The following ARR3 variants were observed in gnomAD, a reference collection of about 807,000 sequenced individuals.
ARR3 encodes the protein arrestin-C.
In ARR3, 14 loss-of-function variants were observed where a neutral mutation model predicts 35.4. The ratio of observed to expected loss-of-function variants is 0.40; its 90% CI spans 0.26 to 0.62. ARR3 has a LOEUF of 0.62. ARR3 is among the 20% of genes least tolerant of loss of function. The probability of loss-of-function intolerance (pLI) is 0.46; values close to 1 mark genes in which losing one functional copy is unlikely to be tolerated. For missense variants in ARR3, 259 were observed against 303.8 expected (o/e 0.85, Z 1.10); for synonymous variants, 97 against 119.1 (o/e 0.81, Z 1.21).
chrX:70,281,799 C>T lies in ARR3; in HGVS notation c.*33C>T, dbSNP rs1407514058. 2.8e-6 allele frequency: 3 copies of T among 1,065,426 alleles called. No homozygotes were observed. The highest frequency in any genetic ancestry group is 2.8e-5 in the Admixed American group (1 of 36,288). 87.8% of individuals were successfully genotyped at this position (1,065,426 alleles called of 1,213,427 possible). A position where few individuals can be genotyped will look rare whatever the true frequency, so the allele number is the denominator to read the frequency against. ...GCTCTGGTGCCCGTCTGTGTGGGAG[C>T]CCCCACTGTAACACTCTAATAAATC... is the stretch of plus-strand genomic sequence containing the variant. On this transcript the variant is annotated 3_prime_UTR_variant, in exon 17 of 17. Coordinates refer to ENST00000307959, the MANE Select transcript of ARR3 (RefSeq NM_004312.3).
At chrX:70,275,142 C>A (rs1192211841) in intron 5 of ARR3, among the ~76,000 whole-genome samples, 2 of 112,459 alleles carry the variant, frequency 1.8e-5, no homozygotes, top group African/African-American at 6.5e-5. Context: ...TCATACTCTA[C>A]GAGCAGATTT....
chrX:70,278,086 G>A lies in ARR3; in HGVS notation c.715G>A (p.Val239Ile), dbSNP rs144567204. The A allele has an allele frequency of 1.7e-6, 2 of 1,208,513 alleles. No homozygotes were observed. Among genetic ancestry groups the A allele is most frequent in the South Asian group, 1.8e-5 (1 of 56,529 alleles). The change falls in exon 11 of 17, where the codon GTC becomes ATC. Residue 239 changes from valine (V) to isoleucine (I), a missense_variant. By Grantham distance (29) the Val-to-Ile change is conservative. Coordinates refer to ENST00000307959, the MANE Select transcript of ARR3 (RefSeq NM_004312.3). ...TTCAGTTGACCAGATCACAGATGTT[G>A]TCCTGTATTCACTAGACAAGTACAC... Reference protein sequence around the residue: ...KISVDQITDVVLYSLDKYTKT... With the variant: ...KISVDQITDVILYSLDKYTKT...
intron 1 of ARR3, 123 bp from the exon 2 acceptor site, chrX:70,269,233 G>C: frequency 1.6e-6 from 1 of 626,535 alleles, no homozygotes; most frequent in Non-Finnish European, 2.3e-6. Flanking sequence ...ACTTGATGTG[G>C]GTGAGGTGTC....
At chrX:70,274,521 T>C (rs1763560459) in intron 5 of ARR3, among the ~76,000 whole-genome samples, 1 of 112,682 alleles carries the variant, frequency 8.9e-6, no homozygotes, top group African/African-American at 3.2e-5. Flanking sequence ...GCTTTTGAGA[T>C]TTAACCTTGT....
intron 15 of ARR3, 126 bp from the exon 16 acceptor site, chrX:70,280,973 G>T (rs1353422704): frequency 6.1e-6 from 5 of 822,737 alleles, no homozygotes; most frequent in African/African-American, 2.4e-5. Flanking sequence ...TGTGTGTGTC[G>T]TGTGTGCTGG....
chrX:70,275,476 T>C (rs930386996), intron 5 of ARR3, among the ~76,000 whole-genome samples: 1 of 110,952 alleles, frequency 9.0e-6, no homozygotes, highest in African/African-American at 3.3e-5. Flanking sequence ...AGTCCTTATA[T>C]ATTTTGGACT....
chrX:70,280,093 C>T, intron 12 of ARR3, 102 bp from the exon 13 acceptor site: 1 of 762,289 alleles, frequency 1.3e-6, no homozygotes, highest in South Asian at 2.4e-5. Flanking sequence ...TAAGACTAAA[C>T]ATAATAGGGT....
chrX:70,280,448 A>C, intron 13 of ARR3, 111 bp from the exon 14 acceptor site: 3 of 1,006,798 alleles, frequency 3.0e-6, no homozygotes, highest in Non-Finnish European at 4.1e-6. Context: ...CCTTCCAGAA[A>C]CCCATTCTGT....
At chrX:70,281,058 T>C (rs1569223296) in intron 15 of ARR3, 41 bp from the exon 16 acceptor site, 1 of 1,205,546 alleles carries the variant, frequency 8.3e-7, no homozygotes, top group Non-Finnish European at 1.1e-6. Flanking sequence ...TCTAATCAGC[T>C]TCAGCTCCAT....
intron 8 of ARR3, 80 bp from the exon 9 acceptor site, chrX:70,277,314 T>C (rs1359975419): frequency 2.5e-5 from 28 of 1,134,669 alleles, no homozygotes; most frequent in Non-Finnish European, 2.8e-5. Context: ...TAAGCAACAA[T>C]TGGACTATGG....
rs772162596 is a variant in ARR3 at position 70,269,865 on chromosome X, G to A, written c.62G>A (p.Arg21Gln). ...CAGCTCTCCATCTACCTGGGGAAAC[G>A]GGACTTCGTGGACCATGTGGACACG... ...NGKLSIYLGKRDFVDHVDTVE... is the reference protein window; with the variant it reads ...NGKLSIYLGKQDFVDHVDTVE... Residue 21 changes from arginine (R) to glutamine (Q), a missense_variant, in exon 4 of 17, where the codon CGG becomes CAG. By Grantham distance (43) the Arg-to-Gln change is conservative (BLOSUM62 1). Coordinates refer to ENST00000307959, the MANE Select transcript of ARR3 (RefSeq NM_004312.3). The A allele has an allele frequency of 3.1e-5, 38 of 1,208,874 alleles. No homozygotes were observed. Among genetic ancestry groups the A allele is most frequent in the Non-Finnish European group, 4.1e-5 (37 of 894,081 alleles).
At position 70,276,174 on chromosome X, in the gene ARR3, C is replaced by T. The variant is rs777729215; in HGVS notation, c.238C>T (p.Leu80=). The part of the protein sequence containing the change: ...TFRKDLYVQT[L]QVVPAESSSP... ...CCGAAAAGATCTGTATGTGCAGACC[C>T]TGCAAGTGGTCCCAGCTGAATCCAG... Residue 80 remains leucine (L), a synonymous_variant, in exon 6 of 17, where the codon CTG becomes TTG. Coordinates refer to ENST00000307959, the MANE Select transcript of ARR3 (RefSeq NM_004312.3). The T allele has an allele frequency of 1.4e-5, 17 of 1,209,966 alleles. No homozygotes were observed. Among genetic ancestry groups the T allele is most frequent in the Non-Finnish European group, 1.9e-5 (17 of 895,160 alleles).
In ARR3 at chrX:70,280,076, T is replaced by C. The variant is rs1443032774; in HGVS notation, c.906-119T>C. On this transcript the variant is annotated intron_variant, in intron 12 of 16. Transcript: ENST00000307959. ...GGAAAGGTTAGAGCCTGGGAGATAT[T>C]CTGGGATAAGACTAAACATAATAGG... 11 of 636,138 alleles carry C rather than the reference T, an allele frequency of 1.7e-5. No homozygotes were observed. The East Asian group carries it at 3.3e-4, about 19-fold the overall frequency. 52.4% of individuals were successfully genotyped at this position (636,138 alleles called of 1,213,427 possible). A position where few individuals can be genotyped will look rare whatever the true frequency, so the allele number is the denominator to read the frequency against.
Position 70,277,800 on chromosome X carries a change from G to A in ARR3, c.694G>A (p.Val232Ile). The A allele has an allele frequency of 8.3e-7, 1 of 1,204,259 alleles. No homozygotes were observed. Among genetic ancestry groups the A allele is most frequent in the Non-Finnish European group, 1.1e-6 (1 of 890,199 alleles). ...GGTCATCAAAAAAATCAAGATTTCAGGTGAGTTTCTTTTCCCATCCCTGTG... is the reference window on the plus strand; with the variant it reads ...GGTCATCAAAAAAATCAAGATTTCAAGTGAGTTTCTTTTCCCATCCCTGTG... ...NKVIKKIKISVDQITDVVLYS... is the reference protein window; with the variant it reads ...NKVIKKIKISIDQITDVVLYS... The change falls in exon 10 of 17, where the codon GTT (valine) becomes ATT (isoleucine). Residue 232 changes from valine (V) to isoleucine (I), a missense_variant and splice_region_variant. Val to Ile is a conservative substitution (Grantham distance 29). Coordinates refer to ENST00000307959, the MANE Select transcript of ARR3 (RefSeq NM_004312.3).
intron 5 of ARR3, 149 bp downstream of exon 5, chrX:70,270,293 T>C (rs1820051079): frequency 1.7e-6 from 1 of 602,615 alleles, no homozygotes; most frequent in African/African-American, 2.3e-5. Context: ...CAGCCCAGTG[T>C]GGCCAAATTT....
chrX:70,281,004 G>GT (rs749415104), intron 15 of ARR3, 95 bp from the exon 16 acceptor site: 13 of 897,974 alleles, frequency 1.4e-5, no homozygotes, highest in East Asian at 4.0e-5. Context: ...TGGGAAGTTG[G>GT]GGGGGGGGGA....
Position 70,270,082 on chromosome X carries a change from C to T in ARR3, c.101-18C>T. On this transcript the variant is annotated intron_variant, in intron 4 of 16. Transcript: ENST00000307959. ...GAGTTTTTCCTGACCAAAGTGCTGT[C>T]TGTCCTTCTCTCCACAGACGGTGTT... 1 of 1,210,943 alleles carries T rather than the reference C, an allele frequency of 8.3e-7. No individual in the cohort carries two copies. The highest frequency in any genetic ancestry group is 1.1e-6 in the Non-Finnish European group (1 of 894,480).
rs937113409 is a variant in ARR3, at chrX:70,281,838, G to A, written c.*72G>A. 2.3e-6 allele frequency: 2 copies of A among 885,256 alleles called. No individual in the cohort carries two copies. The highest frequency in any genetic ancestry group is 3.1e-6 in the Non-Finnish European group (2 of 637,998). 73.0% of individuals were successfully genotyped at this position (885,256 alleles called of 1,213,427 possible). A position where few individuals can be genotyped will look rare whatever the true frequency, so the allele number is the denominator to read the frequency against. ...CTCTAATAAATCAGTTTGTTCAGAT[G>A]TGCCTAGCGATCTCTTGCCTATTTC... is the stretch of plus-strand genomic sequence containing the variant. On this transcript the variant is annotated 3_prime_UTR_variant, in exon 17 of 17. Transcript: ENST00000307959.
chrX:70,272,086 C>T (rs1452083284), intron 5 of ARR3, among the ~76,000 whole-genome samples: 2 of 109,105 alleles, frequency 1.8e-5, no homozygotes, highest in Admixed American at 2.0e-4. Flanking sequence ...CCTTCTGCCT[C>T]GCCCATCCTG....
Sources: gnomAD v4.1 joint callset for allele counts (sites outside exome capture counted in the v4.1 genomes callset) on GRCh38, gnomAD v4.1.1 for gene constraint, MANE v1.5 for transcripts, NCBI Gene and HGNC (gene_info 2026-07-23, HGNC 2026-07-21) for gene names.